The following XRCC4 variants were observed in gnomAD, a reference collection of about 807,000 sequenced individuals.
The protein encoded by XRCC4 is X-ray repair cross complementing 4.
A neutral mutation model predicts 39.1 loss-of-function variants in XRCC4; 28 were observed. That is an observed-to-expected ratio of 0.72 (90% CI 0.53 to 0.98). XRCC4 has a LOEUF of 0.98. Ranked by LOEUF, XRCC4 falls within the 50% of genes least tolerant of loss-of-function variation. The probability of loss-of-function intolerance (pLI) is 0.00; values close to 1 mark genes in which losing one functional copy is unlikely to be tolerated. For synonymous variants in XRCC4, 123 were observed against 126.4 expected (o/e 0.97, Z 0.18); for missense variants, 350 against 376.4 (o/e 0.93, Z 0.58).
intron 3 of XRCC4, among the ~76,000 whole-genome samples, chr5:83,116,635 TTTTTGA>T: frequency 2.6e-5 from 3 of 113,316 alleles, no homozygotes; most frequent in African/African-American, 9.4e-5. Flanking sequence ...TTTTTTTTTT[TTTTTGA>T]GATGGAGCCT....
At chr5:83,106,669 AC>A (rs1290494691) in intron 2 of XRCC4, among the ~76,000 whole-genome samples, 1 of 152,040 alleles carries the variant, frequency 6.6e-6, no homozygotes, top group African/African-American at 2.4e-5. Context: ...TTTATATCAT[AC>A]AATTGTGCTG....
intron 1 of XRCC4, among the ~76,000 whole-genome samples, chr5:83,085,956 A>G (rs994597426): frequency 6.6e-6 from 1 of 152,224 alleles, no homozygotes; most frequent in African/African-American, 2.4e-5. Context: ...ATATCAAGTC[A>G]TTAGAACCAC....
chr5:83,093,352 A>T (rs772074727), intron 1 of XRCC4, among the ~76,000 whole-genome samples: 4 of 152,244 alleles, frequency 2.6e-5, no homozygotes, highest in Non-Finnish European at 5.9e-5. Context: ...AGACTGTAAT[A>T]CAATAACAGT....
intron 3 of XRCC4, among the ~76,000 whole-genome samples, chr5:83,130,312 T>A (rs1747504386): frequency 6.6e-6 from 1 of 152,206 alleles, no homozygotes. Context: ...ATCCCAGGGA[T>A]GAAGTCAACT....
chr5:83,333,959 G>A (rs1017102357), intron 7 of XRCC4, among the ~76,000 whole-genome samples: 85 of 152,010 alleles, frequency 5.6e-4, no homozygotes, highest in Non-Finnish European at 9.4e-4. Flanking sequence ...TAGTAGAGAC[G>A]GGGTTTCACC....
chr5:83,358,058 G>A (rs1407064766), downstream of XRCC4, among the ~76,000 whole-genome samples: 1 of 152,144 alleles, frequency 6.6e-6, no homozygotes, highest in African/African-American at 2.4e-5. Flanking sequence ...GCATCCATTT[G>A]TAGCTATTGT....
chr5:83,364,047 T>G, the XRCC4 span, among the ~76,000 whole-genome samples: 25 of 152,244 alleles, frequency 1.6e-4, no homozygotes, highest in African/African-American at 6.0e-4. Context: ...TTCAATACAC[T>G]GGTACCATTC....
intron 7 of XRCC4, among the ~76,000 whole-genome samples, chr5:83,269,036 G>T (rs1313932966): frequency 1.3e-5 from 2 of 152,162 alleles, no homozygotes; most frequent in Admixed American, 1.3e-4. Flanking sequence ...CAACTGCTAT[G>T]TGGGCAAATA....
chr5:83,362,460 C>T, the XRCC4 span, among the ~76,000 whole-genome samples: 1 of 152,072 alleles, frequency 6.6e-6, no homozygotes, highest in Non-Finnish European at 1.5e-5. Context: ...AGTGTGGTTA[C>T]GTCTGACTTG....
rs563057336 is a variant in XRCC4, at chr5:83,327,754, A to T, written c.894-25377A>T. Among the ~76,000 whole-genome samples, 29 of 152,196 alleles carry T rather than the reference A, an allele frequency of 1.9e-4. No individual in the cohort carries two copies. The East Asian group carries it at 5.2e-3, about 27-fold the overall frequency. ...CAATTAGTGCAAAGAAGTTTAATAA[A>T]ATTCAGCACTCAGACATAACAAAAT... On this transcript the variant is annotated intron_variant, in intron 7 of 7. Coordinates refer to ENST00000396027, the MANE Select transcript of XRCC4 (RefSeq NM_003401.5).
At chr5:83,163,872 A>G (rs929517440) in intron 3 of XRCC4, among the ~76,000 whole-genome samples, 1 of 152,228 alleles carries the variant, frequency 6.6e-6, no homozygotes, top group African/African-American at 2.4e-5. Context: ...GATGTAGCAA[A>G]TTGTATCAGA....
intron 6 of XRCC4, among the ~76,000 whole-genome samples, chr5:83,243,858 G>T (rs577044711): frequency 2.0e-4 from 30 of 152,112 alleles, no homozygotes; most frequent in African/African-American, 6.5e-4. Context: ...TAGGTTTGTT[G>T]ACCTACCCGG....
Position 83,296,616 on chromosome 5 carries a change from T to G in XRCC4, c.893+37939T>G, listed in dbSNP as rs1184401067. 2.6e-5 allele frequency among the ~76,000 whole-genome samples: 4 copies of G among 152,124 alleles called. No individual in the cohort carries two copies. The East Asian group carries it at 7.7e-4, about 29-fold the overall frequency. On this transcript the variant is annotated intron_variant, in intron 7 of 7. Transcript: ENST00000396027. The stretch of plus-strand genomic sequence containing the variant: ...TTTATTTTTTGTGGTACATGAATTA[T>G]ATTTTATTAGATGGAAGGAGGTTGT...
intron 7 of XRCC4, among the ~76,000 whole-genome samples, chr5:83,348,443 T>C (rs550354756): frequency 2.6e-5 from 4 of 152,264 alleles, no homozygotes; most frequent in Non-Finnish European, 5.9e-5. Context: ...ACACCAAGGC[T>C]TGAGGCTTGC....
intron 3 of XRCC4, among the ~76,000 whole-genome samples, chr5:83,132,141 G>C (rs1044589346): frequency 6.6e-6 from 1 of 151,998 alleles, no homozygotes; most frequent in Non-Finnish European, 1.5e-5. Context: ...CACTTATGAA[G>C]CTTAGTTTGG....
chr5:83,326,706 T>C (rs752780092), intron 7 of XRCC4, among the ~76,000 whole-genome samples: 4 of 152,064 alleles, frequency 2.6e-5, no homozygotes, highest in Non-Finnish European at 5.9e-5. Context: ...TGTATTCTTA[T>C]AGCAACCAAG....
At chr5:83,149,604 A>C (rs1392932599) in intron 3 of XRCC4, among the ~76,000 whole-genome samples, 1 of 152,166 alleles carries the variant, frequency 6.6e-6, no homozygotes, top group African/African-American at 2.4e-5. Context: ...CAATATTTTG[A>C]AATATTTAGT....
At chr5:83,356,555 C>T (rs995726243), downstream of XRCC4, among the ~76,000 whole-genome samples, 4 of 152,158 alleles carry the variant, frequency 2.6e-5, no homozygotes, top group African/African-American at 7.2e-5. Flanking sequence ...TAGAACAGAA[C>T]ATAATAAGCC....
chr5:83,289,586 A>G (rs1276191477), intron 7 of XRCC4, among the ~76,000 whole-genome samples: 3 of 151,842 alleles, frequency 2.0e-5, no homozygotes, highest in Non-Finnish European at 2.9e-5. Context: ...ATAATACTGG[A>G]GTCCTGTTGG....
Sources: allele counts gnomAD v4.1 joint callset (sites outside exome capture counted in the v4.1 genomes callset), GRCh38; gene constraint gnomAD v4.1.1; transcripts MANE v1.5; gene names NCBI Gene and HGNC (gene_info 2026-07-23, HGNC 2026-07-21).